ANKRD36C: variants seen among roughly 807,000 people sequenced by gnomAD.
The protein encoded by ANKRD36C is ankyrin repeat domain 36C.
In ANKRD36C, 61 loss-of-function variants were observed where a neutral mutation model predicts 276.4. That is an observed-to-expected ratio of 0.22 (90% confidence interval 0.18 to 0.27). The LOEUF is 0.27. Among genes scored for constraint, ANKRD36C ranks in the 10% least tolerant of loss-of-function variants. The pLI is 1.00. For missense variants in ANKRD36C, 1,447 were observed against 2,032.3 expected, an observed-to-expected ratio of 0.71 and a Z score of 5.54; for synonymous variants, 483 against 680.1, an observed-to-expected ratio of 0.71 and a Z score of 4.51.
intron 32 of ANKRD36C, 24 bp from the exon 33 acceptor site, chr2:95,921,834 C>T (rs1195759053): frequency 8.8e-6 from 14 of 1,587,682 alleles, no homozygotes; most frequent in Non-Finnish European, 1.2e-5. Flanking sequence ...GGGATAATCA[C>T]TCATATGTAA....
At chr2:95,983,974 A>G (rs1423965132) in intron 3 of ANKRD36C, among the ~76,000 whole-genome samples, 1 of 152,188 alleles carries the variant, frequency 6.6e-6, no homozygotes, top group East Asian at 1.9e-4. Context: ...TGTCTGCAAT[A>G]TGCATAACCT....
chr2:95,927,127 A>G (rs1474337292), intron 28 of ANKRD36C, 87 bp downstream of exon 28: 4 of 1,555,240 alleles, frequency 2.6e-6, no homozygotes, highest in Non-Finnish European at 2.6e-6. Flanking sequence ...TGCAGCTTCA[A>G]TGAATCCCCC....
intron 42 of ANKRD36C, among the ~76,000 whole-genome samples, chr2:95,907,851 A>G (rs1166721098): frequency 2.0e-5 from 3 of 149,600 alleles, no homozygotes; most frequent in Non-Finnish European, 4.5e-5. Context: ...AAGAGGAGTA[A>G]TGAGTCAGTG....
exon 4 of ANKRD36C, chr2:95,982,296 T>C (rs1678939194): frequency 6.4e-7 from 1 of 1,550,932 alleles, no homozygotes; most frequent in East Asian, 2.4e-5. Flanking sequence ...GCTTTTTTCT[T>C]TAATAAAAAT....
At chr2:95,915,549 T>C (rs1201931668) in intron 38 of ANKRD36C, among the ~76,000 whole-genome samples, 2 of 151,566 alleles carry the variant, frequency 1.3e-5, no homozygotes, top group East Asian at 3.9e-4. Flanking sequence ...AAATAATTGC[T>C]ACATCAGGGG....
chr2:95,951,313 T>G, intron 15 of ANKRD36C, 35 bp downstream of exon 15: 3 of 1,401,710 alleles, frequency 2.1e-6, no homozygotes, highest in Non-Finnish European at 2.9e-6. Flanking sequence ...GAAGAATCAG[T>G]AAATACTACA....
At chr2:95,868,508 T>C (rs918083039) in intron 59 of ANKRD36C, among the ~76,000 whole-genome samples, 1 of 151,880 alleles carries the variant, frequency 6.6e-6, no homozygotes, top group Non-Finnish European at 1.5e-5. Flanking sequence ...AGTATCATTA[T>C]AAAAATTTTC....
chr2:95,985,274 G>A (rs1195706134), intron 3 of ANKRD36C, among the ~76,000 whole-genome samples: 1 of 152,220 alleles, frequency 6.6e-6, no homozygotes, highest in Non-Finnish European at 1.5e-5. Context: ...GTAGAGACAG[G>A]TAAAAGTCAG....
chr2:95,851,990 CAA>C, intron 65 of ANKRD36C, 134 bp downstream of exon 85: 1 of 1,126,742 alleles, frequency 8.9e-7, no homozygotes, highest in Non-Finnish European at 1.3e-6. Flanking sequence ...TGATGTATGT[CAA>C]TATAGCTTAC....
At chr2:95,950,864 T>C in intron 15 of ANKRD36C, 85 bp from the exon 16 acceptor site, 1 of 1,414,192 alleles carries the variant, frequency 7.1e-7, no homozygotes, top group Non-Finnish European at 9.5e-7. Flanking sequence ...CAGTGGCTTG[T>C]TCCTATAATC....
intron 58 of ANKRD36C, among the ~76,000 whole-genome samples, chr2:95,877,568 GC>G (rs1331399112): frequency 1.3e-5 from 1 of 76,878 alleles, no homozygotes; most frequent in Non-Finnish European, 2.7e-5. Flanking sequence ...GGATGCTATG[GC>G]CTATCTTTAA....
At position 95,902,826 on chromosome 2, in the gene ANKRD36C, G is replaced by A. The variant is rs537532050; in HGVS notation, c.2654-3490C>T. On this transcript the variant is annotated intron_variant, in intron 42 of 66. Transcript: ENST00000456556. Reference sequence around the variant, plus strand: ...ACGAGCCCCCCGCTGATTTATTCACGGAAGAGAATTTCTTATCTATCTGGA... The same window carrying A: ...ACGAGCCCCCCGCTGATTTATTCACAGAAGAGAATTTCTTATCTATCTGGA... 275 of 1,496,062 alleles carry A rather than the reference G, an allele frequency of 1.8e-4. 10 individuals carry two copies. In the African/African-American group the frequency reaches 3.2e-3, roughly 17 times the overall value. The allele number at this position is 1,496,062 out of a possible 1,614,324, so 92.7% of individuals were successfully genotyped here.
At chr2:95,860,472 G>A (rs1312445105) in intron 60 of ANKRD36C, among the ~76,000 whole-genome samples, 3 of 152,214 alleles carry the variant, frequency 2.0e-5, no homozygotes, top group Admixed American at 6.5e-5. Flanking sequence ...AAGCACTCTG[G>A]CTAGTTTGCA....
At chr2:95,923,505 T>C (rs770996511) in exon 32 of ANKRD36C, 10 of 1,610,794 alleles carry the variant, frequency 6.2e-6, no homozygotes, top group East Asian at 2.2e-5. Flanking sequence ...CTGTCCCACA[T>C]TGTAGTCCAT....
chr2:95,873,565 T>A (rs1057449791), intron 59 of ANKRD36C, among the ~76,000 whole-genome samples: 13 of 152,224 alleles, frequency 8.5e-5, no homozygotes, highest in African/African-American at 2.9e-4. Context: ...AATATCATAC[T>A]GAATGGGCAA....
At chr2:95,894,533 A>G (rs1676478274) in intron 44 of ANKRD36C, among the ~76,000 whole-genome samples, 1 of 151,450 alleles carries the variant, frequency 6.6e-6, no homozygotes, top group African/African-American at 2.4e-5. Flanking sequence ...TGATCACTCT[A>G]GGACTTAATT....
At chr2:95,982,187 C>G in intron 4 of ANKRD36C, 69 bp downstream of exon 4, 1 of 1,234,972 alleles carries the variant, frequency 8.1e-7, no homozygotes, top group Non-Finnish European at 1.1e-6. Context: ...TTTGTGACTT[C>G]AGTGACCGCT....
chr2:95,930,958 A>T (rs1677551570), intron 24 of ANKRD36C, among the ~76,000 whole-genome samples: 1 of 151,628 alleles, frequency 6.6e-6, no homozygotes, highest in Non-Finnish European at 1.5e-5. Flanking sequence ...CCATTAAGGG[A>T]CTTGCCACAA....
At chr2:95,970,662 A>G (rs1349202488) in intron 6 of ANKRD36C, among the ~76,000 whole-genome samples, 1 of 152,188 alleles carries the variant, frequency 6.6e-6, no homozygotes, top group Non-Finnish European at 1.5e-5. Context: ...GTTATAAGTG[A>G]GTCATGTTAT....
Sources: allele counts gnomAD v4.1 joint callset (sites outside exome capture counted in the v4.1 genomes callset), GRCh38; gene constraint gnomAD v4.1.1; transcripts MANE v1.5; gene names NCBI Gene and HGNC (gene_info 2026-07-23, HGNC 2026-07-21).